The following RAB28 variants were observed in gnomAD, a reference collection of about 807,000 sequenced individuals.
RAB28 encodes the protein ras-related protein Rab-28.
RAB28 carries 24 observed loss-of-function variants against 31.7 expected under a neutral mutation model. The ratio of observed to expected loss-of-function variants is 0.76; its 90% CI spans 0.55 to 1.06. The LOEUF (loss-of-function observed/expected upper bound fraction) is 1.06. Among genes scored for constraint, RAB28 ranks in the 50% least tolerant of loss-of-function variants. RAB28 has a pLI of 0.00. For synonymous variants in RAB28, 100 were observed against 90.4 expected, an observed-to-expected ratio of 1.11 and a Z score of -0.60; for missense variants, 254 against 258.5, an observed-to-expected ratio of 0.98 and a Z score of 0.12.
intron 4 of RAB28, among the ~76,000 whole-genome samples, chr4:13,444,176 C>T (rs970232916): frequency 7.9e-5 from 12 of 151,814 alleles, no homozygotes; most frequent in Non-Finnish European, 1.2e-4. Context: ...TACAGGCGCC[C>T]GCCACCATGC....
intron 4 of RAB28, among the ~76,000 whole-genome samples, chr4:13,385,290 T>C (rs1228920285): frequency 2.0e-5 from 3 of 152,196 alleles, no homozygotes; most frequent in Non-Finnish European, 4.4e-5. Flanking sequence ...CAAGATATCA[T>C]CCATGAGAAT....
chr4:13,429,775 C>G (rs554785364), intron 4 of RAB28, among the ~76,000 whole-genome samples: 1 of 152,254 alleles, frequency 6.6e-6, no homozygotes, highest in East Asian at 1.9e-4. Flanking sequence ...AAATAACAAG[C>G]TGATCCTAAA....
At position 13,370,485 on chromosome 4, in the gene RAB28, G is replaced by A. The variant is rs1214045293; in HGVS notation, c.574-1835C>T. 3.8e-6 allele frequency: 3 copies of A among 782,788 alleles called. No individual in the cohort carries two copies. The African/African-American group carries it at 5.7e-5, about 15-fold the overall frequency. The allele number at this position is 782,788 out of a possible 1,614,324, so 48.5% of individuals were successfully genotyped here. A position where few individuals can be genotyped will look rare whatever the true frequency, so the allele number is the denominator to read the frequency against. ...AGTTGCTGAGGCCCTAATGGAAAGA[G>A]AAACACATATACAACTAATTGCCAT... On this transcript the variant is annotated intron_variant, in intron 6 of 6. Transcript: ENST00000330852.
chr4:13,457,283 C>T (rs1272515342), intron 4 of RAB28, among the ~76,000 whole-genome samples: 1 of 151,900 alleles, frequency 6.6e-6, no homozygotes, highest in African/African-American at 2.4e-5. Context: ...TATATCCCTC[C>T]CAAAAGAAAA....
chr4:13,408,322 T>C (rs1482610217), intron 4 of RAB28, among the ~76,000 whole-genome samples: 1 of 152,208 alleles, frequency 6.6e-6, no homozygotes, highest in African/African-American at 2.4e-5. Flanking sequence ...ATTTATTGAT[T>C]TGCACATGTT....
intron 4 of RAB28, among the ~76,000 whole-genome samples, chr4:13,406,130 T>A (rs1712068973): frequency 6.6e-6 from 1 of 152,152 alleles, no homozygotes. Context: ...TAGGTATTTC[T>A]CCTAACACTA....
rs571537407 is a variant in RAB28 at position 13,468,785 on chromosome 4, T to A, written c.261+5533A>T. ...AACAAAGCCAAAAGCTGTTTTTTTT[T>A]TAAAAAAAAAAGATCAATAAAATTG... On this transcript the variant is annotated intron_variant, in intron 3 of 6. Coordinates refer to ENST00000330852, the MANE Select transcript of RAB28 (RefSeq NM_001017979.3). Among the ~76,000 whole-genome samples the A allele has an allele frequency of 1.7e-3, 254 of 149,564 alleles. 1 individual carries two copies. Among genetic ancestry groups the A allele is most frequent in the African/African-American group, 5.8e-3 (237 of 40,782 alleles).
At chr4:13,402,313 G>A (rs1183659670) in intron 4 of RAB28, among the ~76,000 whole-genome samples, 1 of 152,182 alleles carries the variant, frequency 6.6e-6, no homozygotes, top group East Asian at 1.9e-4. Context: ...TGTTACACCA[G>A]TTATTGATAA....
intron 4 of RAB28, 108 bp downstream of exon 4, chr4:13,460,591 G>A (rs1715541847): frequency 7.4e-7 from 1 of 1,357,560 alleles, no homozygotes; most frequent in Non-Finnish European, 1.0e-6. Context: ...CCATCATTTT[G>A]GGGATTAGGT....
chr4:13,391,176 C>G (rs574130810), intron 4 of RAB28, among the ~76,000 whole-genome samples: 12 of 152,198 alleles, frequency 7.9e-5, no homozygotes, highest in African/African-American at 2.6e-4. Context: ...GACTAATATC[C>G]AGAATCTACA....
At chr4:13,414,650 C>A (rs943679171) in intron 4 of RAB28, among the ~76,000 whole-genome samples, 1 of 152,164 alleles carries the variant, frequency 6.6e-6, no homozygotes, top group Admixed American at 6.5e-5. Context: ...AAGGCTGGTA[C>A]AAACTTCAGA....
chr4:13,433,822 G>GA (rs1713949918), intron 4 of RAB28, among the ~76,000 whole-genome samples: 1 of 151,818 alleles, frequency 6.6e-6, no homozygotes, highest in Non-Finnish European at 1.5e-5. Flanking sequence ...ATAACTACAG[G>GA]AAAATAAACC....
rs543936934 is a variant in RAB28 at position 13,386,413 on chromosome 4, A to G, written c.392-4819T>C. Among the ~76,000 whole-genome samples the G allele has an allele frequency of 3.8e-4, 51 of 135,544 alleles. 1 individual carries two copies. The highest frequency in any genetic ancestry group is 1.3e-4 in the African/African-American group (4 of 29,714). The allele number at this position is 135,544 out of a possible 152,430, so 88.9% of individuals were successfully genotyped here. On this transcript the variant is annotated intron_variant, in intron 4 of 6. Transcript: ENST00000330852. ...TAAGGTATTTAAACAAATTTACAAG[A>G]AAAAAAAACAGCTCAATTAAAAAGT...
chr4:13,393,776 T>G (rs1729749541), intron 4 of RAB28, among the ~76,000 whole-genome samples: 1 of 148,268 alleles, frequency 6.7e-6, no homozygotes, highest in African/African-American at 2.5e-5. Context: ...TTTTTCCTCC[T>G]GAAAGTTACT....
chr4:13,427,542 G>C (rs1018680496), intron 4 of RAB28, among the ~76,000 whole-genome samples: 1 of 152,126 alleles, frequency 6.6e-6, no homozygotes, highest in African/African-American at 2.4e-5. Context: ...AAAATTAGTG[G>C]AAACACATGG....
intron 4 of RAB28, among the ~76,000 whole-genome samples, chr4:13,432,514 GA>G (rs1553872481): frequency 6.6e-6 from 1 of 151,640 alleles, no homozygotes; most frequent in Non-Finnish European, 1.5e-5. Flanking sequence ...CAATGCAAAA[GA>G]AAAAAAATCT....
chr4:13,452,646 T>C (rs1176390298), intron 4 of RAB28, among the ~76,000 whole-genome samples: 1 of 152,074 alleles, frequency 6.6e-6, no homozygotes, highest in Non-Finnish European at 1.5e-5. Context: ...ATGATTTCAA[T>C]TTTTTTAAAT....
chr4:13,415,512 C>T (rs781758541), intron 4 of RAB28, among the ~76,000 whole-genome samples: 10 of 152,114 alleles, frequency 6.6e-5, no homozygotes, highest in Non-Finnish European at 1.2e-4. Flanking sequence ...CCTGCCGGCC[C>T]GGGCAATGAG....
At chr4:13,389,761 T>C (rs1396601430) in intron 4 of RAB28, among the ~76,000 whole-genome samples, 1 of 151,460 alleles carries the variant, frequency 6.6e-6, no homozygotes, top group Non-Finnish European at 1.5e-5. Context: ...AGCAACAAAT[T>C]AAAATTCTGA....
Sources: gnomAD v4.1 joint callset for allele counts (sites outside exome capture counted in the v4.1 genomes callset) on GRCh38, gnomAD v4.1.1 for gene constraint, MANE v1.5 for transcripts, NCBI Gene and HGNC (gene_info 2026-07-23, HGNC 2026-07-21) for gene names.